The following USP28 variants were observed in gnomAD, a reference collection of about 807,000 sequenced individuals.
The protein encoded by USP28 is ubiquitin specific peptidase 28, also known as ubiquitin carboxyl-terminal hydrolase 28.
USP28 carries 113 observed loss-of-function variants against 145.0 expected under a neutral mutation model. The observed-to-expected ratio is 0.78, with a 90% CI of 0.67 to 0.91. The LOEUF (loss-of-function observed/expected upper bound fraction) is 0.91, where lower values mean the gene tolerates loss of function less well. USP28 is among the 40% of genes least tolerant of loss of function. The probability of loss-of-function intolerance (pLI) is 0.00; values close to 1 mark genes in which losing one functional copy is unlikely to be tolerated. For synonymous variants in USP28, 447 were observed against 450.9 expected, an observed-to-expected ratio of 0.99 and a Z score of 0.11; for missense variants, 1,201 against 1,289.6, an observed-to-expected ratio of 0.93 and a Z score of 1.05.
chr11:113,835,169 T>A, intron 5 of USP28: 6 of 422,692 alleles, frequency 1.4e-5, no homozygotes, highest in South Asian at 8.6e-5. Flanking sequence ...AGGGATTCTT[T>A]TTATTATTTG....
At chr11:113,861,822 T>G (rs1206283687) in intron 1 of USP28, among the ~76,000 whole-genome samples, 1 of 152,210 alleles carries the variant, frequency 6.6e-6, no homozygotes. Context: ...GAATACATGT[T>G]CCAACTAAAT....
At chr11:113,805,230 T>C (rs1939739423) in intron 19 of USP28, among the ~76,000 whole-genome samples, 184 bp from the exon 21 acceptor site, 1 of 150,406 alleles carries the variant, frequency 6.6e-6, no homozygotes, top group Non-Finnish European at 1.5e-5. Context: ...GAAACTCTTT[T>C]AGCATTCTGG....
chr11:113,847,572 G>A (rs1946011356), intron 3 of USP28, among the ~76,000 whole-genome samples: 1 of 152,152 alleles, frequency 6.6e-6, no homozygotes, highest in Non-Finnish European at 1.5e-5. Context: ...CACTGTTAAT[G>A]AGATAACCAG....
At chr11:113,837,234 C>A (rs1468320118) in intron 5 of USP28, among the ~76,000 whole-genome samples, 1 of 152,166 alleles carries the variant, frequency 6.6e-6, no homozygotes. Flanking sequence ...ATTTACATTC[C>A]ATGTGGGCAC....
chr11:113,823,580 A>G (rs1290979052), intron 12 of USP28, 25 bp downstream of exon 12: 1 of 1,483,680 alleles, frequency 6.7e-7, no homozygotes, highest in Non-Finnish European at 9.3e-7. Context: ...TTACATTTCT[A>G]AGCATGAAGG....
intron 11 of USP28, among the ~76,000 whole-genome samples, chr11:113,826,844 G>A (rs748592811): frequency 4.6e-5 from 7 of 151,550 alleles, no homozygotes; most frequent in South Asian, 2.1e-4. Context: ...ACTTGAACCC[G>A]GGAAGCAGAT....
chr11:113,862,655 C>A (rs553220489), intron 1 of USP28, among the ~76,000 whole-genome samples: 1 of 152,220 alleles, frequency 6.6e-6, no homozygotes, highest in Admixed American at 6.5e-5. Flanking sequence ...ATACTCTGAA[C>A]ATCTCAAAGA....
chr11:113,822,694 C>T (rs1271822996), intron 12 of USP28, among the ~76,000 whole-genome samples: 2 of 152,174 alleles, frequency 1.3e-5, no homozygotes, highest in East Asian at 1.9e-4. Flanking sequence ...TAGTAAAATA[C>T]TAACAGACTT....
At chr11:113,812,407 A>G in exon 16 of USP28, 3 of 1,614,116 alleles carry the variant, frequency 1.9e-6, no homozygotes, top group Non-Finnish European at 2.5e-6. Flanking sequence ...ATTGTACTTG[A>G]GCCAGCTCTG....
At chr11:113,826,154 G>A (rs1212651134) in intron 11 of USP28, among the ~76,000 whole-genome samples, 11 of 151,306 alleles carry the variant, frequency 7.3e-5, no homozygotes, top group East Asian at 3.9e-4. Context: ...GTGGTGGTGC[G>A]TGCCTGTAAT....
intron 3 of USP28, among the ~76,000 whole-genome samples, chr11:113,844,571 T>C (rs1209262484): frequency 1.3e-5 from 2 of 152,052 alleles, no homozygotes; most frequent in African/African-American, 2.4e-5. Context: ...AACACACAAA[T>C]AGTGATTTCA....
intron 1 of USP28, among the ~76,000 whole-genome samples, chr11:113,869,122 T>C (rs566575289): frequency 6.6e-6 from 1 of 151,688 alleles, no homozygotes; most frequent in Non-Finnish European, 1.5e-5. Context: ...GAGACCCCAT[T>C]GCTAAAAAAA....
exon 25 of USP28, chr11:113,799,387 A>G: frequency 6.2e-7 from 1 of 1,614,148 alleles, no homozygotes; most frequent in East Asian, 2.2e-5. Flanking sequence ...GTCTGGGTAG[A>G]AACTCCCCTA....
intron 1 of USP28, among the ~76,000 whole-genome samples, chr11:113,858,181 A>G (rs1265030863): frequency 6.6e-6 from 1 of 152,118 alleles, no homozygotes; most frequent in Non-Finnish European, 1.5e-5. Flanking sequence ...ACCTTTTTTT[A>G]AAGGCTACTG....
chr11:113,821,622 G>T, intron 12 of USP28: 1 of 188,082 alleles, frequency 5.3e-6, no homozygotes, highest in South Asian at 1.1e-4. Context: ...GGACTCTTCT[G>T]ACACACTGCT....
At chr11:113,827,886 A>G (rs1168311478) in intron 10 of USP28, among the ~76,000 whole-genome samples, 4 of 152,224 alleles carry the variant, frequency 2.6e-5, no homozygotes, top group Admixed American at 2.6e-4. Context: ...AGGAAATTTG[A>G]AATAGCCTCA....
chr11:113,824,697 G>A (rs1033079439), intron 11 of USP28, among the ~76,000 whole-genome samples: 5 of 151,708 alleles, frequency 3.3e-5, no homozygotes, highest in Admixed American at 6.5e-5. Flanking sequence ...TTGGGAGGCC[G>A]AGGCAGGCGG....
chr11:113,833,442 A>G (rs1332029596), exon 7 of USP28: 3 of 1,613,886 alleles, frequency 1.9e-6, no homozygotes, highest in Non-Finnish European at 2.5e-6. Context: ...AGATGATCGG[A>G]ATGCTCCCTT....
chr11:113,848,569 T>A lies in USP28; in HGVS notation c.268+3932A>T, dbSNP rs909178696. ...TCAAAACCTGTTGATAAAGTCCTAA[T>A]GGAGGCTATACTTAGGAAAGTAAGT... On this transcript the variant is annotated intron_variant, in intron 3 of 24. Coordinates refer to ENST00000003302, the Ensembl canonical transcript of USP28. Among the ~76,000 whole-genome samples, 3 of 152,178 alleles carry A rather than the reference T, an allele frequency of 2.0e-5. No homozygotes were observed. In the East Asian group the frequency reaches 5.8e-4, roughly 29 times the overall value.
Sources: allele counts gnomAD v4.1 joint callset (sites outside exome capture counted in the v4.1 genomes callset), GRCh38; gene constraint gnomAD v4.1.1; transcripts MANE v1.5; gene names NCBI Gene and HGNC (gene_info 2026-07-23, HGNC 2026-07-21).